SYTL2: variants seen among roughly 807,000 people sequenced by gnomAD.
SYTL2 encodes the protein synaptotagmin like 2.
SYTL2 carries 165 observed loss-of-function variants against 198.7 expected under a neutral mutation model. The ratio of observed to expected loss-of-function variants is 0.83; its 90% CI spans 0.73 to 0.94. The LOEUF is 0.94. SYTL2 is among the 40% of genes least tolerant of loss of function. The probability of loss-of-function intolerance (pLI) is 0.00; values close to 1 mark genes in which losing one functional copy is unlikely to be tolerated. For synonymous variants in SYTL2, 966 were observed against 917.7 expected (o/e 1.05, Z -0.95); for missense variants, 2,835 against 2,582.8 (o/e 1.10, Z -2.12).
chr11:85,780,038 C>T (rs902116224), intron 1 of SYTL2, among the ~76,000 whole-genome samples: 4 of 152,176 alleles, frequency 2.6e-5, no homozygotes, highest in African/African-American at 9.6e-5. Flanking sequence ...CACATAGACT[C>T]CTTCTGACGA....
At chr11:85,745,849 A>G in intron 3 of SYTL2, 77 bp from the exon 4 acceptor site, 6 of 1,470,494 alleles carry the variant, frequency 4.1e-6, no homozygotes, top group Non-Finnish European at 5.5e-6. Context: ...AGCTCTTATC[A>G]CTGAAGCCTT....
the SYTL2 span, among the ~76,000 whole-genome samples, chr11:85,844,244 T>G: frequency 2.6e-5 from 4 of 152,226 alleles, no homozygotes; most frequent in Non-Finnish European, 4.4e-5. Context: ...GAAAGTGGTC[T>G]TCTGGCAGTG....
At chr11:85,753,032 C>T (rs756321037) in intron 2 of SYTL2, among the ~76,000 whole-genome samples, 4 of 146,566 alleles carry the variant, frequency 2.7e-5, no homozygotes, top group Non-Finnish European at 4.5e-5. Flanking sequence ...AAACACCCAT[C>T]GCTGTAGATG....
intron 1 of SYTL2, among the ~76,000 whole-genome samples, chr11:85,783,425 C>T (rs930136515): frequency 6.6e-6 from 1 of 152,062 alleles, no homozygotes; most frequent in Non-Finnish European, 1.5e-5. Flanking sequence ...GATGATATTT[C>T]GGTGGGGACA....
chr11:85,724,179 T>C lies in SYTL2; in HGVS notation c.5179A>G (p.Asn1727Asp). 1.2e-6 allele frequency: 2 copies of C among 1,604,820 alleles called. No homozygotes were observed. The highest frequency in any genetic ancestry group is 4.5e-5 in the East Asian group (2 of 44,728). ...QPIPLLMNKE[N>D]STKTSKVELT... is the part of the protein sequence containing the mutation. ...TCAACTTTACTTGTTTTTGTAGAGT[T>C]TTCTTTGTTCATCAGGAGAGGAATG... Residue 1727 changes from asparagine to aspartate, a missense_variant, in exon 8 of 20, where the codon AAC becomes GAC. Asn to Asp is a conservative substitution (Grantham distance 23, BLOSUM62 1). This residue lies in a region of SYTL2 where 2,645 missense variants were observed against 2,381.7 expected (regional missense o/e 1.11). Transcript: ENST00000359152.
chr11:85,703,319 A>G lies in SYTL2; in HGVS notation c.6189+1539T>C, dbSNP rs117972673. ...AACCCCAAACCTCAGGATAAATTAA[A>G]GAAAACTACACCTAGGCTCATTATA... On this transcript the variant is annotated intron_variant, in intron 16 of 19. Transcript: ENST00000359152. Among the ~76,000 whole-genome samples the G allele has an allele frequency of 4.8e-3, 735 of 152,322 alleles. 1 individual carries two copies. The highest frequency in any genetic ancestry group is 0.014 in the Middle Eastern group (4 of 294).
chr11:85,714,453 T>C lies in SYTL2; in HGVS notation c.5585A>G (p.Lys1862Arg), dbSNP rs763666921. The C allele has an allele frequency of 6.2e-7, 1 of 1,613,864 alleles. No individual in the cohort carries two copies. Among genetic ancestry groups the C allele is most frequent in the African/African-American group, 1.3e-5 (1 of 75,032 alleles). The change falls in exon 12 of 20, where the codon AAA becomes AGA. Residue 1862 changes from lysine (K) to arginine (R), a missense_variant. Around this residue, in one of 3 missense-constraint regions of SYTL2, gnomAD observed 2,645 missense variants for 2,381.7 expected, o/e 1.11. Coordinates refer to ENST00000359152, the MANE Select transcript of SYTL2 (RefSeq NM_206927.4). ...TGCTGGAACAGACTTGCTCATCCTT[T>C]TGAGTTTGTCAGGGTGAGAAAATGG... ...DNPFSHPDKL[K>R]RMSKSVPAFL...
rs968408708 is a variant in SYTL2 at position 85,694,705 on chromosome 11, T to G, written c.*490A>C. 2.0e-5 allele frequency: 2 copies of G among 100,252 alleles called. No individual in the cohort carries two copies. Among genetic ancestry groups the G allele is most frequent in the Non-Finnish European group, 4.3e-5 (2 of 46,814 alleles). The allele number at this position is 100,252 out of a possible 1,614,324, so 6.2% of individuals were successfully genotyped here. On this transcript the variant is annotated 3_prime_UTR_variant, in exon 20 of 20. Transcript: ENST00000359152. ...TAGAGATTACAGAGTAAATAGTTTC[T>G]TAAGGTCCATTTTTTTTTTTATCAT...
the SYTL2 span, among the ~76,000 whole-genome samples, chr11:85,835,046 C>A: frequency 3.3e-5 from 5 of 152,116 alleles, no homozygotes; most frequent in African/African-American, 1.2e-4. Flanking sequence ...AGGACTGAGC[C>A]ACCATACCCA....
At chr11:85,787,708 T>C (rs1222684341) in intron 1 of SYTL2, among the ~76,000 whole-genome samples, 1 of 148,992 alleles carries the variant, frequency 6.7e-6, no homozygotes, top group East Asian at 1.9e-4. Flanking sequence ...TTCCTTTTTT[T>C]TTTTTTTTTT....
At chr11:85,772,543 C>A (rs2092376567) in intron 1 of SYTL2, among the ~76,000 whole-genome samples, 1 of 152,238 alleles carries the variant, frequency 6.6e-6, no homozygotes, top group African/African-American at 2.4e-5. Flanking sequence ...ATCCAGTCAT[C>A]CTTCATGATA....
chr11:85,768,302 A>G (rs933241947), intron 1 of SYTL2, among the ~76,000 whole-genome samples: 10 of 152,206 alleles, frequency 6.6e-5, no homozygotes, highest in Admixed American at 5.9e-4. Context: ...TATACCCCCA[A>G]TAGAAGAAGT....
chr11:85,715,347 A>G (rs930786147), intron 11 of SYTL2, among the ~76,000 whole-genome samples: 1 of 152,136 alleles, frequency 6.6e-6, no homozygotes, highest in Non-Finnish European at 1.5e-5. Context: ...GAATAAGTTA[A>G]TATTTTCCAA....
At chr11:85,792,619 T>TC (rs924827940) in intron 1 of SYTL2, among the ~76,000 whole-genome samples, 5 of 83,870 alleles carry the variant, frequency 6.0e-5, no homozygotes, top group Non-Finnish European at 1.5e-4. Context: ...GTTTCAGAGC[T>TC]TTTTTTTTTA....
intron 6 of SYTL2, among the ~76,000 whole-genome samples, chr11:85,735,451 A>G (rs1019650276): frequency 6.6e-6 from 1 of 152,156 alleles, no homozygotes; most frequent in Non-Finnish European, 1.5e-5. Flanking sequence ...CACAAAATTT[A>G]TTTTTGTCAG....
intron 1 of SYTL2, among the ~76,000 whole-genome samples, chr11:85,805,841 T>C (rs892166890): frequency 1.3e-5 from 2 of 152,248 alleles, no homozygotes; most frequent in African/African-American, 4.8e-5. Context: ...TATTTACTGA[T>C]GCATTTATAG....
the SYTL2 span, among the ~76,000 whole-genome samples, chr11:85,827,986 T>C: frequency 6.6e-6 from 1 of 152,220 alleles, no homozygotes; most frequent in Non-Finnish European, 1.5e-5. Flanking sequence ...TCAGACTTTA[T>C]CTTAACCCTC....
At chr11:85,768,693 G>C (rs1053998971) in intron 1 of SYTL2, among the ~76,000 whole-genome samples, 1 of 152,082 alleles carries the variant, frequency 6.6e-6, no homozygotes, top group African/African-American at 2.4e-5. Flanking sequence ...CAAATTCTTG[G>C]TTTCTGCAAG....
At position 85,711,276 on chromosome 11, in the gene SYTL2, G is replaced by T. The variant is rs142034348; in HGVS notation, c.5626-44C>A. The T allele has an allele frequency of 5.8e-4, 925 of 1,596,610 alleles. 15 individuals are homozygous for T. The South Asian group carries it at 9.5e-3, about 16-fold the overall frequency. On this transcript the variant is annotated intron_variant, in intron 12 of 19. Transcript: ENST00000359152. ...TATGCACAATATTTAAATTCAGAAT[G>T]AGTCAAGATCAGAATCTCTGTTTAG...
Sources: gnomAD v4.1 joint callset for allele counts (sites outside exome capture counted in the v4.1 genomes callset) on GRCh38, gnomAD v4.1.1 for gene constraint, gnomAD v4.1.1 regional missense constraint, MANE v1.5 for transcripts, NCBI Gene and HGNC (gene_info 2026-07-23, HGNC 2026-07-21) for gene names.